STPG2: variants seen among roughly 807,000 people sequenced by gnomAD.
STPG2 encodes sperm-tail PG-rich repeat-containing protein 2.
STPG2 carries 56 observed loss-of-function variants against 54.2 expected under a neutral mutation model. The observed-to-expected ratio is 1.03, with a 90% CI of 0.83 to 1.29. STPG2 has a LOEUF of 1.29. STPG2 is among the 50% of genes most tolerant of loss of function. STPG2 has a pLI of 0.00. For synonymous variants in STPG2, 200 were observed against 181.8 expected (o/e 1.10, Z -0.81); for missense variants, 596 against 544.9 (o/e 1.09, Z -0.93).
In STPG2 at chr4:97,978,969, A is replaced by G. The variant is rs191985375; in HGVS notation, c.772+2190T>C. ...TTAGACAATGGTGCCCTAACAACTTAAGGGTGTTAAAAACATAATAGCCTC... is the reference window on the plus strand; with the variant it reads ...TTAGACAATGGTGCCCTAACAACTTGAGGGTGTTAAAAACATAATAGCCTC... On this transcript the variant is annotated intron_variant, in intron 6 of 10. Coordinates refer to ENST00000295268, the MANE Select transcript of STPG2 (RefSeq NM_174952.3). Among the ~76,000 whole-genome samples the G allele has an allele frequency of 1.1e-3, 168 of 152,198 alleles. 1 individual carries two copies. Among genetic ancestry groups the G allele is most frequent in the Non-Finnish European group, 1.5e-4 (10 of 68,024 alleles).
At chr4:97,664,446 G>A (rs572210001) in intron 10 of STPG2, among the ~76,000 whole-genome samples, 1 of 152,254 alleles carries the variant, frequency 6.6e-6, no homozygotes, top group African/African-American at 2.4e-5. Context: ...ATTCACAGAG[G>A]TTAGGTTACT....
intron 10 of STPG2, among the ~76,000 whole-genome samples, chr4:97,701,521 T>C (rs1234545999): frequency 1.3e-5 from 2 of 152,118 alleles, no homozygotes; most frequent in African/African-American, 4.8e-5. Flanking sequence ...ACAGCATAAA[T>C]TGTTGGTAGT....
intron 10 of STPG2, among the ~76,000 whole-genome samples, chr4:97,574,025 G>T (rs1005930103): frequency 6.6e-6 from 1 of 152,114 alleles, no homozygotes; most frequent in Non-Finnish European, 1.5e-5. Context: ...GTTTTCTTAC[G>T]GATCTGAAGA....
At chr4:97,508,011 T>A (rs1276438111) in intron 4 of STPG2, among the ~76,000 whole-genome samples, 1 of 152,022 alleles carries the variant, frequency 6.6e-6, no homozygotes, top group Non-Finnish European at 1.5e-5. Context: ...AAAGTCCCTA[T>A]CTTCTAACCA....
intron 9 of STPG2, among the ~76,000 whole-genome samples, chr4:97,731,552 C>T (rs552951877): frequency 9.3e-4 from 141 of 152,266 alleles, no homozygotes; most frequent in Non-Finnish European, 1.6e-3. Flanking sequence ...GGTCTCCTTC[C>T]GGTGTCTGCC....
intron 10 of STPG2, among the ~76,000 whole-genome samples, chr4:97,651,480 A>G (rs770776211): frequency 5.3e-5 from 8 of 152,100 alleles, no homozygotes; most frequent in Non-Finnish European, 1.2e-4. Flanking sequence ...GCTATCTGGA[A>G]CATTAAAAAT....
intron 5 of STPG2, among the ~76,000 whole-genome samples, chr4:98,003,091 T>C (rs1472925426): frequency 6.6e-6 from 1 of 152,094 alleles, no homozygotes; most frequent in Admixed American, 6.6e-5. Flanking sequence ...TTCACAATCA[T>C]TGATCACTAC....
At chr4:98,100,662 CTTTTTTTT>C (rs1166820709) in intron 5 of STPG2, among the ~76,000 whole-genome samples, 3 of 116,810 alleles carry the variant, frequency 2.6e-5, no homozygotes, top group Admixed American at 9.7e-5. Context: ...CTTTTTCTTT[CTTTTTTTT>C]TTTTTTTTTT....
chr4:97,807,725 T>A (rs1193653223), intron 9 of STPG2, among the ~76,000 whole-genome samples: 1 of 151,834 alleles, frequency 6.6e-6, no homozygotes, highest in Non-Finnish European at 1.5e-5. Context: ...AAAGAAGAGA[T>A]ATACTGACTA....
intron 10 of STPG2, among the ~76,000 whole-genome samples, chr4:97,689,467 C>G (rs2148986937): frequency 6.6e-6 from 1 of 152,088 alleles, no homozygotes; most frequent in African/African-American, 2.4e-5. Flanking sequence ...AACAATTGAT[C>G]AGGGTTGTGA....
intron 10 of STPG2, among the ~76,000 whole-genome samples, chr4:97,664,482 T>G (rs1279777862): frequency 6.6e-6 from 1 of 152,200 alleles, no homozygotes; most frequent in East Asian, 1.9e-4. Context: ...TCCAGAGTTC[T>G]TTCTCTATTT....
intron 6 of STPG2, among the ~76,000 whole-genome samples, chr4:97,980,083 G>A (rs1372500676): frequency 6.6e-6 from 1 of 152,058 alleles, no homozygotes; most frequent in Non-Finnish European, 1.5e-5. Context: ...CTACTCAGAA[G>A]GCTGAAGCAG....
intron 8 of STPG2, among the ~76,000 whole-genome samples, chr4:97,851,441 C>T (rs1729155055): frequency 6.6e-6 from 1 of 152,150 alleles, no homozygotes; most frequent in Non-Finnish European, 1.5e-5. Context: ...AAAGTATTTT[C>T]AACCCATACA....
chr4:97,446,199 A>T (rs928144485), intron 4 of STPG2, among the ~76,000 whole-genome samples: 1 of 152,240 alleles, frequency 6.6e-6, no homozygotes, highest in Non-Finnish European at 1.5e-5. Flanking sequence ...TTAATTAAAA[A>T]GCAACTCACC....
chr4:97,472,613 A>T (rs1238654659), intron 4 of STPG2, among the ~76,000 whole-genome samples: 2 of 152,242 alleles, frequency 1.3e-5, no homozygotes, highest in Non-Finnish European at 2.9e-5. Flanking sequence ...TAATTATTTT[A>T]TTACCTAATT....
chr4:97,642,109 G>A (rs1052273361), intron 10 of STPG2, among the ~76,000 whole-genome samples: 3 of 151,268 alleles, frequency 2.0e-5, no homozygotes, highest in African/African-American at 4.8e-5. Flanking sequence ...CTTTTACTAT[G>A]CAACATAAAC....
chr4:98,075,111 T>C (rs1050688373), intron 5 of STPG2, among the ~76,000 whole-genome samples: 6 of 152,204 alleles, frequency 3.9e-5, no homozygotes, highest in African/African-American at 1.4e-4. Context: ...TTCTTATTCC[T>C]GAAAATCTGA....
At chr4:97,690,158 A>G (rs913420337) in intron 10 of STPG2, among the ~76,000 whole-genome samples, 2 of 152,224 alleles carry the variant, frequency 1.3e-5, no homozygotes, top group Non-Finnish European at 2.9e-5. Context: ...TACTTTTACA[A>G]GGTGAAAACT....
intron 8 of STPG2, among the ~76,000 whole-genome samples, chr4:97,939,224 G>A (rs953394481): frequency 2.0e-5 from 3 of 152,104 alleles, no homozygotes; most frequent in Non-Finnish European, 2.9e-5. Flanking sequence ...ATTGTTTTAT[G>A]TCCAATGATG....
Sources: allele counts gnomAD v4.1 joint callset (sites outside exome capture counted in the v4.1 genomes callset), GRCh38; gene constraint gnomAD v4.1.1; transcripts MANE v1.5; gene names NCBI Gene and HGNC (gene_info 2026-07-23, HGNC 2026-07-21).